Variants in BMPR1B observed in about 807,000 individuals in gnomAD.
BMPR1B encodes the protein bone morphogenetic protein receptor type 1B, also known as bone morphogenetic protein receptor type-1B.
Under a neutral mutation model 59.1 loss-of-function variants are expected in BMPR1B, and 12 were observed. The ratio of observed to expected loss-of-function variants is 0.20; its 90% CI spans 0.13 to 0.33. The LOEUF (loss-of-function observed/expected upper bound fraction) is 0.33, where lower values mean the gene tolerates loss of function less well. Among genes scored for constraint, BMPR1B ranks in the 10% least tolerant of loss-of-function variants. BMPR1B has a pLI of 1.00. For synonymous variants in BMPR1B, 237 were observed against 207.3 expected, an observed-to-expected ratio of 1.14 and a Z score of -1.23; for missense variants, 550 against 610.9, an observed-to-expected ratio of 0.90 and a Z score of 1.05.
intron 2 of BMPR1B, among the ~76,000 whole-genome samples, chr4:94,953,747 T>C (rs1228813018): frequency 2.6e-5 from 4 of 152,266 alleles, no homozygotes; most frequent in Admixed American, 2.0e-4. Context: ...GGGTTGCCGT[T>C]CTCGAGGAGT....
At chr4:94,897,336 T>G (rs1160116348) in intron 2 of BMPR1B, among the ~76,000 whole-genome samples, 1 of 152,072 alleles carries the variant, frequency 6.6e-6, no homozygotes, top group Non-Finnish European at 1.5e-5. Flanking sequence ...GCGTGACTCA[T>G]GGATATTCAA....
intron 2 of BMPR1B, among the ~76,000 whole-genome samples, chr4:94,937,719 G>GACAC (rs70946570): frequency 5.3e-4 from 79 of 147,704 alleles, no homozygotes; most frequent in South Asian, 8.9e-4. Context: ...CACACACACA[G>GACAC]ACACACACAC....
chr4:94,913,647 C>CTGTG (rs1344686304), intron 2 of BMPR1B, among the ~76,000 whole-genome samples: 2 of 149,470 alleles, frequency 1.3e-5, no homozygotes, highest in African/African-American at 5.1e-5. Context: ...AATTAATTAT[C>CTGTG]TCTGTGTGTG....
chr4:94,908,782 CATT>C lies in BMPR1B; in HGVS notation c.-113+32885_-113+32887del, dbSNP rs371728053. 1.9e-4 allele frequency among the ~76,000 whole-genome samples: 29 copies of C among 152,162 alleles called. No individual in the cohort carries two copies. In the South Asian group the frequency reaches 4.3e-3, roughly 23 times the overall value. On this transcript the variant is annotated intron_variant, in intron 2 of 12. Coordinates refer to ENST00000515059, the MANE Select transcript of BMPR1B (RefSeq NM_001203.3). ...AAGTCAGATATCTTCTCTTTAAAAA[CATT>C]ATAAAAACCCTTATCTTTTGCTTGA...
intron 1 of BMPR1B, among the ~76,000 whole-genome samples, chr4:94,839,332 G>A (rs1191498059): frequency 2.7e-3 from 356 of 132,158 alleles, no homozygotes; most frequent in South Asian, 4.2e-3. Context: ...TTTCTGTCTC[G>A]TTGATCTGTC....
intron 2 of BMPR1B, among the ~76,000 whole-genome samples, chr4:94,962,633 ATCCATGTTATTGGAAATGACAGGTTTCAT>A (rs1222170327): frequency 6.6e-6 from 1 of 152,068 alleles, no homozygotes; most frequent in African/African-American, 2.4e-5. Context: ...CTCCAGTTCC[ATCCATGTTATTGGAAATGACAGGTTTCAT>A]TCTTTTGTAT....
chr4:94,859,575 A>G (rs1725898161), intron 1 of BMPR1B, among the ~76,000 whole-genome samples: 1 of 152,188 alleles, frequency 6.6e-6, no homozygotes, highest in Non-Finnish European at 1.5e-5. Context: ...GATAGAAAGC[A>G]CTGGAATCCT....
chr4:94,845,500 G>T (rs554646171), intron 1 of BMPR1B, among the ~76,000 whole-genome samples: 3 of 151,928 alleles, frequency 2.0e-5, no homozygotes, highest in African/African-American at 4.8e-5. Context: ...CCGCCACCAC[G>T]CCCGGCTAAT....
rs1725217718 is a variant in BMPR1B at position 94,844,127 on chromosome 4, T to C, written c.-182-31704T>C. 3.9e-5 allele frequency among the ~76,000 whole-genome samples: 6 copies of C among 152,164 alleles called. No individual in the cohort carries two copies. The South Asian group carries it at 1.2e-3, about 31-fold the overall frequency. ...CCATAGCTGATAATAATGTATTGCA[T>C]ACTTGAAATTTGCTAAAAGAATTGA... On this transcript the variant is annotated intron_variant, in intron 1 of 12. Transcript: ENST00000515059.
chr4:95,047,472 A>G (rs1726137909), intron 3 of BMPR1B, among the ~76,000 whole-genome samples: 2 of 152,220 alleles, frequency 1.3e-5, no homozygotes, highest in South Asian at 4.1e-4. Flanking sequence ...GAGGTAGACC[A>G]CAGAGGTGAA....
intron 1 of BMPR1B, among the ~76,000 whole-genome samples, chr4:94,779,194 C>T (rs1722498492): frequency 6.6e-6 from 1 of 151,944 alleles, no homozygotes; most frequent in Admixed American, 6.6e-5. Flanking sequence ...CTATTTTTTT[C>T]CATATAAATA....
At chr4:95,148,698 T>G in intron 10 of BMPR1B, 50 bp from the exon 11 acceptor site, 1 of 1,576,944 alleles carries the variant, frequency 6.3e-7, no homozygotes, top group Non-Finnish European at 8.7e-7. Context: ...TTGATTCGTT[T>G]TTGTTGGTCC....
rs1435302747 is a variant in BMPR1B, at chr4:94,810,024, A to G, written c.-183+51956A>G. Among the ~76,000 whole-genome samples, 39 of 152,204 alleles carry G rather than the reference A, an allele frequency of 2.6e-4. 1 individual carries two copies. Among genetic ancestry groups the G allele is most frequent in the Non-Finnish European group, 8.8e-5 (6 of 68,034 alleles). ...ATGAATTTACAGTTTTTTTGACCCTAAATGGGTTGGCAATTGACAAAGATC... is the reference window on the plus strand; with the variant it reads ...ATGAATTTACAGTTTTTTTGACCCTGAATGGGTTGGCAATTGACAAAGATC... On this transcript the variant is annotated intron_variant, in intron 1 of 12. Coordinates refer to ENST00000515059, the MANE Select transcript of BMPR1B (RefSeq NM_001203.3).
At chr4:94,918,723 C>T (rs1728580255) in intron 2 of BMPR1B, among the ~76,000 whole-genome samples, 1 of 151,732 alleles carries the variant, frequency 6.6e-6, no homozygotes, top group Admixed American at 6.6e-5. Flanking sequence ...AACTTCCTTT[C>T]CTTTTGAACT....
At chr4:94,862,787 T>C (rs1204207919) in intron 1 of BMPR1B, among the ~76,000 whole-genome samples, 2 of 151,048 alleles carry the variant, frequency 1.3e-5, no homozygotes, top group East Asian at 2.0e-4. Context: ...CTACTAAAAA[T>C]ACAAAAAATT....
At chr4:95,034,862 T>C (rs1015098112) in intron 3 of BMPR1B, among the ~76,000 whole-genome samples, 1 of 152,112 alleles carries the variant, frequency 6.6e-6, no homozygotes, top group Admixed American at 6.6e-5. Context: ...CATAGTGTCT[T>C]CTATAGCGGT....
chr4:94,927,588 G>T (rs929808877), intron 2 of BMPR1B, among the ~76,000 whole-genome samples: 8 of 152,132 alleles, frequency 5.3e-5, no homozygotes, highest in Non-Finnish European at 1.0e-4. Flanking sequence ...ATAGCATAGT[G>T]ATGTTAGGGA....
At chr4:95,069,132 A>C (rs1443744103) in intron 3 of BMPR1B, among the ~76,000 whole-genome samples, 1 of 152,190 alleles carries the variant, frequency 6.6e-6, no homozygotes, top group Non-Finnish European at 1.5e-5. Flanking sequence ...GACACCATTA[A>C]GTGAGGACTT....
At chr4:95,077,983 T>G (rs965054211) in intron 3 of BMPR1B, among the ~76,000 whole-genome samples, 1 of 152,208 alleles carries the variant, frequency 6.6e-6, no homozygotes, top group Non-Finnish European at 1.5e-5. Flanking sequence ...GCTGATATTA[T>G]GTACTAAGCA....
Sources: gnomAD v4.1 joint callset for allele counts (sites outside exome capture counted in the v4.1 genomes callset) on GRCh38, gnomAD v4.1.1 for gene constraint, MANE v1.5 for transcripts, NCBI Gene and HGNC (gene_info 2026-07-23, HGNC 2026-07-21) for gene names.